DIP2C: variants seen among roughly 807,000 people sequenced by gnomAD.
The protein encoded by DIP2C is DIP2 acetate--CoA ligase C (putative), also known as disco-interacting protein 2 homolog C.
DIP2C carries 33 observed loss-of-function variants against 192.4 expected under a neutral mutation model. The observed-to-expected ratio is 0.17, with a 90% CI of 0.13 to 0.23. The LOEUF (loss-of-function observed/expected upper bound fraction) is 0.23. Ranked by LOEUF, DIP2C falls within the 10% of genes least tolerant of loss-of-function variation. The probability of loss-of-function intolerance (pLI) is 1.00; values close to 1 mark genes in which losing one functional copy is unlikely to be tolerated. For missense variants in DIP2C, 1,537 were observed against 2,110.1 expected (o/e 0.73, Z 5.32); for synonymous variants, 979 against 864.1 (o/e 1.13, Z -2.33).
chr10:610,650 G>C lies in DIP2C; in HGVS notation c.85+78844C>G, dbSNP rs146882669. Among the ~76,000 whole-genome samples, 378 of 152,382 alleles carry C rather than the reference G, an allele frequency of 2.5e-3. 1 individual carries two copies. The highest frequency in any genetic ancestry group is 0.01 in the Middle Eastern group (3 of 294). Reference sequence around the variant, plus strand: ...AGGTAAGAACGGGGAGCCAGACATGGTGTGGCTGTGTGTCCCCACCCAAAT... The same window carrying C: ...AGGTAAGAACGGGGAGCCAGACATGCTGTGGCTGTGTGTCCCCACCCAAAT... On this transcript the variant is annotated intron_variant, in intron 1 of 36. Transcript: ENST00000280886.
At chr10:356,795 G>A (rs567912318) in intron 23 of DIP2C, among the ~76,000 whole-genome samples, 1 of 152,368 alleles carries the variant, frequency 6.6e-6, no homozygotes, top group Non-Finnish European at 1.5e-5. Flanking sequence ...GGTGTGAGAA[G>A]TTTTCTGAAA....
intron 18 of DIP2C, among the ~76,000 whole-genome samples, chr10:368,376 A>T (rs1960540605): frequency 6.6e-6 from 1 of 152,248 alleles, no homozygotes. Flanking sequence ...TGAAAATTAA[A>T]TATTAAAGAA....
chr10:610,215 CAG>C (rs1247819169), intron 1 of DIP2C, among the ~76,000 whole-genome samples: 1 of 152,128 alleles, frequency 6.6e-6, no homozygotes, highest in East Asian at 1.9e-4. Context: ...GAGCCAAGCA[CAG>C]AAAGAAATGG....
At chr10:586,939 G>A (rs1293629106) in intron 1 of DIP2C, among the ~76,000 whole-genome samples, 1 of 151,870 alleles carries the variant, frequency 6.6e-6, no homozygotes, top group Non-Finnish European at 1.5e-5. Flanking sequence ...AGCATGGGGA[G>A]GGGCAAACAG....
intron 1 of DIP2C, among the ~76,000 whole-genome samples, chr10:605,868 CAG>C (rs1404936809): frequency 1.3e-5 from 2 of 152,350 alleles, no homozygotes; most frequent in South Asian, 4.1e-4. Flanking sequence ...GAAAACCGGG[CAG>C]AGACTCTCAG....
intron 1 of DIP2C, among the ~76,000 whole-genome samples, chr10:514,877 G>A (rs768517820): frequency 6.6e-6 from 1 of 152,100 alleles, no homozygotes; most frequent in Non-Finnish European, 1.5e-5. Flanking sequence ...AAGTGAAGGG[G>A]GTAAAATTCT....
chr10:625,594 G>A (rs1055478058), intron 1 of DIP2C, among the ~76,000 whole-genome samples: 9 of 152,148 alleles, frequency 5.9e-5, no homozygotes, highest in African/African-American at 1.7e-4. Flanking sequence ...GAGCAGGCTC[G>A]GGGAAGGACA....
At chr10:444,626 T>C (rs1968012237) in intron 3 of DIP2C, among the ~76,000 whole-genome samples, 2 of 152,086 alleles carry the variant, frequency 1.3e-5, no homozygotes, top group Admixed American at 6.5e-5. Context: ...ATGAGGAGTG[T>C]TCCTTGGCGC....
chr10:421,786 C>T (rs1002461028), intron 5 of DIP2C, among the ~76,000 whole-genome samples: 1 of 152,100 alleles, frequency 6.6e-6, no homozygotes. Flanking sequence ...AGCAGGAGAA[C>T]TGACTTCAAG....
intron 34 of DIP2C, among the ~76,000 whole-genome samples, chr10:285,495 G>A (rs1335592836): frequency 2.6e-5 from 4 of 152,230 alleles, no homozygotes; most frequent in Non-Finnish European, 5.9e-5. Context: ...GAGGGCACAC[G>A]TGCTGCCACC....
At chr10:677,557 C>A (rs528230057) in intron 1 of DIP2C, among the ~76,000 whole-genome samples, 1 of 152,338 alleles carries the variant, frequency 6.6e-6, no homozygotes, top group East Asian at 1.9e-4. Context: ...GGACACTCCA[C>A]CTTGTTCCTT....
At chr10:381,256 T>C (rs1321186265) in intron 17 of DIP2C, among the ~76,000 whole-genome samples, 1 of 152,108 alleles carries the variant, frequency 6.6e-6, no homozygotes, top group East Asian at 1.9e-4. Flanking sequence ...TAAATATGCA[T>C]CATATGCATG....
intron 22 of DIP2C, 71 bp from the exon 23 acceptor site, chr10:358,008 G>A: frequency 2.6e-6 from 3 of 1,163,730 alleles, no homozygotes; most frequent in Non-Finnish European, 3.8e-6. Flanking sequence ...CTCCCACTTT[G>A]GTAAAGACCT....
intron 26 of DIP2C, among the ~76,000 whole-genome samples, chr10:347,971 T>TCGCGCATAGCTCTCCTGGAAACCC (rs1958597788): frequency 8.4e-6 from 1 of 119,486 alleles, no homozygotes; most frequent in African/African-American, 3.4e-5. Context: ...CCTGGAAACG[T>TCGCGCATAGCTCTCCTGGAAACCC]CACACACACC....
At chr10:570,209 C>T (rs906347620) in intron 1 of DIP2C, among the ~76,000 whole-genome samples, 5 of 152,158 alleles carry the variant, frequency 3.3e-5, no homozygotes, top group Admixed American at 6.5e-5. Flanking sequence ...GAGTCTATGA[C>T]GTGTCAGGAA....
At chr10:383,973 A>T (rs1962623051) in intron 16 of DIP2C, 54 bp downstream of exon 16, 1 of 1,424,594 alleles carries the variant, frequency 7.0e-7, no homozygotes, top group African/African-American at 1.5e-5. Context: ...GAAAAAAAAA[A>T]AAAAAAGACT....
intron 2 of DIP2C, among the ~76,000 whole-genome samples, chr10:477,719 A>G (rs572972758): frequency 7.1e-6 from 1 of 140,264 alleles, no homozygotes; most frequent in Non-Finnish European, 1.6e-5. Context: ...AAGGAGAGAG[A>G]AGAAAGAGAA....
intron 24 of DIP2C, among the ~76,000 whole-genome samples, chr10:352,966 A>C (rs1239341207): frequency 6.6e-6 from 1 of 152,082 alleles, no homozygotes; most frequent in African/African-American, 2.4e-5. Context: ...AATGTGATGC[A>C]TTCTCGGCGA....
intron 16 of DIP2C, among the ~76,000 whole-genome samples, chr10:383,755 A>C (rs1480453153): frequency 6.6e-6 from 1 of 152,148 alleles, no homozygotes; most frequent in African/African-American, 2.4e-5. Context: ...TACAGAATCA[A>C]GACATCCTCT....
Sources: allele counts gnomAD v4.1 joint callset (sites outside exome capture counted in the v4.1 genomes callset), GRCh38; gene constraint gnomAD v4.1.1; transcripts MANE v1.5; gene names NCBI Gene and HGNC (gene_info 2026-07-23, HGNC 2026-07-21).